Variants in AKAP13 observed in about 807,000 individuals in gnomAD.
The protein encoded by AKAP13 is A-kinase anchor protein 13.
Under a neutral mutation model 264.5 loss-of-function variants are expected in AKAP13, and 80 were observed. The observed-to-expected ratio is 0.30, with a 90% CI of 0.25 to 0.36. The LOEUF is 0.36. Among genes scored for constraint, AKAP13 ranks in the 10% least tolerant of loss-of-function variants. The pLI, the probability that AKAP13 is intolerant of heterozygous loss-of-function variation, is 1.00. For missense variants in AKAP13, 3,712 were observed against 3,435.2 expected, an observed-to-expected ratio of 1.08 and a Z score of -2.01; for synonymous variants, 1,380 against 1,250.2, an observed-to-expected ratio of 1.10 and a Z score of -2.19.
intron 1 of AKAP13, 59 bp from the exon 2 acceptor site, chr15:85,485,651 T>A: frequency 1.3e-6 from 2 of 1,505,722 alleles, no homozygotes; most frequent in Admixed American, 1.7e-5. Context: ...TTTAGGTGGC[T>A]TATATATTTT....
intron 3 of AKAP13, among the ~76,000 whole-genome samples, chr15:85,523,664 T>C (rs568121704): frequency 2.6e-5 from 4 of 152,324 alleles, no homozygotes; most frequent in African/African-American, 9.6e-5. Context: ...TCTTCACTGG[T>C]ATCTGCTAAG....
At chr15:85,445,002 C>G (rs997704188) in intron 1 of AKAP13, among the ~76,000 whole-genome samples, 1 of 152,166 alleles carries the variant, frequency 6.6e-6, no homozygotes, top group African/African-American at 2.4e-5. Flanking sequence ...ACTGTATTCT[C>G]TTAAAGTATA....
In AKAP13 at chr15:85,655,749, G is replaced by C. The variant is rs2083061644; in HGVS notation, c.4707G>C (p.Gly1569=). ...SPFRRHSWGP[G]KNAASDAEMN... ...TCCGGAGGCACAGCTGGGGGCCTGG[G>C]AAAAATGCAGCCAGCGATGCAGAAA... The change falls in exon 11 of 37, where the codon GGG becomes GGC. Residue 1569 remains glycine (G), a synonymous_variant. Coordinates refer to ENST00000394518, the MANE Select transcript of AKAP13 (RefSeq NM_007200.5). 1 of 1,611,732 alleles carries C rather than the reference G, an allele frequency of 6.2e-7. No homozygotes were observed. Among genetic ancestry groups the C allele is most frequent in the African/African-American group, 1.3e-5 (1 of 74,874 alleles).
chr15:85,399,136 C>A (rs2071263496), intron 1 of AKAP13, among the ~76,000 whole-genome samples: 1 of 152,184 alleles, frequency 6.6e-6, no homozygotes, highest in African/African-American at 2.4e-5. Flanking sequence ...ATTTATACTT[C>A]TACTGGCAGA....
chr15:85,430,734 C>T (rs1197512870), intron 1 of AKAP13, among the ~76,000 whole-genome samples: 1 of 152,146 alleles, frequency 6.6e-6, no homozygotes, highest in South Asian at 2.1e-4. Context: ...TGAATACCTA[C>T]CATATACGGG....
intron 5 of AKAP13, among the ~76,000 whole-genome samples, chr15:85,574,815 C>T (rs1264617966): frequency 6.6e-6 from 1 of 152,160 alleles, no homozygotes; most frequent in Non-Finnish European, 1.5e-5. Context: ...AAACCATCTT[C>T]CTTGCACTTC....
chr15:85,399,852 G>A (rs1325290973), intron 1 of AKAP13, among the ~76,000 whole-genome samples: 1 of 152,204 alleles, frequency 6.6e-6, no homozygotes, highest in Non-Finnish European at 1.5e-5. Context: ...GAGATGCTGA[G>A]GAGTAAGGTC....
In AKAP13 at chr15:85,449,763, A is replaced by C. The variant is rs537410853; in HGVS notation, c.-11-35947A>C. Among the ~76,000 whole-genome samples, 15 of 152,286 alleles carry C rather than the reference A, an allele frequency of 9.8e-5. No individual in the cohort carries two copies. The South Asian group carries it at 2.1e-3, about 21-fold the overall frequency. ...TGAACCAACTTGCAACTGGGGATGA[A>C]GCTTACTTGATCATGGTGGATTAGC... On this transcript the variant is annotated intron_variant, in intron 1 of 36. Transcript: ENST00000394518.
intron 1 of AKAP13, among the ~76,000 whole-genome samples, chr15:85,430,071 C>G (rs2072959449): frequency 1.3e-5 from 2 of 152,200 alleles, no homozygotes; most frequent in Middle Eastern, 6.8e-3. Flanking sequence ...AGTAAAGTAG[C>G]CTTCATTTAT....
chr15:85,644,281 G>A (rs190200043), intron 9 of AKAP13, among the ~76,000 whole-genome samples: 1 of 150,216 alleles, frequency 6.7e-6, no homozygotes, highest in Non-Finnish European at 1.5e-5. Flanking sequence ...ACCTAGGCTG[G>A]AGTGCAATGG....
intron 26 of AKAP13, among the ~76,000 whole-genome samples, chr15:85,723,723 CTG>C (rs1392636437): frequency 1.3e-5 from 2 of 152,196 alleles, no homozygotes; most frequent in South Asian, 2.1e-4. Flanking sequence ...TTCACAGAAT[CTG>C]TGAGTTCAAA....
intron 16 of AKAP13, among the ~76,000 whole-genome samples, chr15:85,692,238 G>A (rs187226674): frequency 2.6e-5 from 4 of 152,016 alleles, no homozygotes; most frequent in African/African-American, 9.7e-5. Context: ...AGAATAATGA[G>A]CTAATGAAAC....
chr15:85,497,345 GAGCTGTGCA>G (rs2075900022), intron 2 of AKAP13, among the ~76,000 whole-genome samples: 1 of 152,196 alleles, frequency 6.6e-6, no homozygotes, highest in South Asian at 2.1e-4. Context: ...GCTGCTAGAC[GAGCTGTGCA>G]AACAGTGATT....
chr15:85,575,671 A>G (rs552756517), intron 6 of AKAP13, among the ~76,000 whole-genome samples: 18 of 152,208 alleles, frequency 1.2e-4, no homozygotes, highest in African/African-American at 3.1e-4. Context: ...TAGCCTGGGC[A>G]ACAGAGCGAG....
At chr15:85,601,606 CTTTG>C (rs1329814140) in intron 8 of AKAP13, among the ~76,000 whole-genome samples, 6 of 46,524 alleles carry the variant, frequency 1.3e-4, no homozygotes, top group African/African-American at 5.0e-4. Context: ...CACCTGAATT[CTTTG>C]TGTGTGTGTG....
At chr15:85,587,310 T>G (rs891863022) in intron 8 of AKAP13, among the ~76,000 whole-genome samples, 1 of 152,280 alleles carries the variant, frequency 6.6e-6, no homozygotes, top group African/African-American at 2.4e-5. Context: ...ACACAATATG[T>G]GATCTTTTGT....
intron 29 of AKAP13, 120 bp from the exon 30 acceptor site, chr15:85,730,393 G>A (rs2087917332): frequency 4.3e-6 from 4 of 940,128 alleles, no homozygotes; most frequent in East Asian, 2.4e-5. Context: ...CAGTGTGGGT[G>A]GGGAGGGTGT....
chr15:85,502,307 A>C (rs2076057711), intron 2 of AKAP13, among the ~76,000 whole-genome samples: 2 of 152,246 alleles, frequency 1.3e-5, no homozygotes, highest in African/African-American at 4.8e-5. Flanking sequence ...TTTCATGAGC[A>C]CTACATGTGA....
intron 11 of AKAP13, among the ~76,000 whole-genome samples, chr15:85,657,079 G>A (rs55825077): frequency 0.018 from 2,779 of 152,112 alleles, 84 homozygotes; most frequent in African/African-American, 0.063. Flanking sequence ...CCAGAAGTTC[G>A]AGGCTGCAGT....
Sources: allele counts gnomAD v4.1 joint callset (sites outside exome capture counted in the v4.1 genomes callset), GRCh38; gene constraint gnomAD v4.1.1; transcripts MANE v1.5; gene names NCBI Gene and HGNC (gene_info 2026-07-23, HGNC 2026-07-21).